Variants in RUNDC3B observed in about 807,000 individuals in gnomAD.
RUNDC3B encodes RUN domain-containing protein 3B.
A neutral mutation model predicts 58.4 loss-of-function variants in RUNDC3B; 33 were observed. The observed-to-expected ratio is 0.56, with a 90% CI of 0.43 to 0.75. The LOEUF (loss-of-function observed/expected upper bound fraction) is 0.75, where lower values mean the gene tolerates loss of function less well. RUNDC3B is among the 30% of genes least tolerant of loss of function. The pLI, the probability that RUNDC3B is intolerant of heterozygous loss-of-function variation, is 0.00. For synonymous variants in RUNDC3B, 193 were observed against 195.2 expected (o/e 0.99, Z 0.10); for missense variants, 501 against 535.7 (o/e 0.94, Z 0.64).
intron 10 of RUNDC3B, 63 bp from the exon 11 acceptor site, chr7:87,829,822 G>T: frequency 4.1e-6 from 5 of 1,205,238 alleles, no homozygotes; most frequent in Non-Finnish European, 4.7e-6. Context: ...AATGGTTTTA[G>T]GATCTTATTT....
intron 2 of RUNDC3B, among the ~76,000 whole-genome samples, chr7:87,656,578 G>A (rs866898608): frequency 6.6e-6 from 1 of 152,042 alleles, no homozygotes. Flanking sequence ...GGAAGATAAA[G>A]GGGGAGGAGG....
intron 4 of RUNDC3B, among the ~76,000 whole-genome samples, chr7:87,722,487 C>G (rs1027120198): frequency 4.6e-5 from 7 of 152,168 alleles, no homozygotes; most frequent in Non-Finnish European, 1.0e-4. Flanking sequence ...CCTTAACCCA[C>G]TTGTGAGTTT....
intron 5 of RUNDC3B, among the ~76,000 whole-genome samples, chr7:87,740,655 C>T (rs894410999): frequency 5.9e-5 from 9 of 152,060 alleles, no homozygotes; most frequent in Non-Finnish European, 8.8e-5. Flanking sequence ...TAATGCTGTT[C>T]GTTTTCACTG....
intron 2 of RUNDC3B, among the ~76,000 whole-genome samples, chr7:87,698,388 C>T (rs563197370): frequency 5.9e-5 from 9 of 152,118 alleles, no homozygotes; most frequent in Admixed American, 1.3e-4. Context: ...GCCACCGCAC[C>T]GGCTGCAAAA....
rs1187803429 is a variant in RUNDC3B, at chr7:87,700,469, A to G, written c.287A>G (p.Tyr96Cys). ...GYESPRSFWD[Y>C]IRVACRKVSQ... ...GAAAGTCCTCGTAGCTTCTGGGACT[A>G]TATCAGAGTGGCTTGCCGGAAAGTT... The change falls in exon 3 of 11, where the codon TAT becomes TGT. Residue 96 changes from tyrosine (Y) to cysteine (C), a missense_variant. Physicochemically the swap from Tyr to Cys is radical, Grantham distance 194. Coordinates refer to ENST00000394654, the MANE Select transcript of RUNDC3B (RefSeq NM_001134405.2). 5.0e-6 allele frequency: 8 copies of G among 1,613,518 alleles called. No individual in the cohort carries two copies. Among genetic ancestry groups the G allele is most frequent in the Non-Finnish European group, 5.9e-6 (7 of 1,179,590 alleles).
intron 4 of RUNDC3B, among the ~76,000 whole-genome samples, chr7:87,738,658 C>T (rs1008624675): frequency 8.6e-5 from 13 of 151,878 alleles, no homozygotes; most frequent in Admixed American, 6.6e-4. Context: ...AATTGGGTAG[C>T]CTTCTTAAGC....
At chr7:87,665,924 T>G (rs1220365239) in intron 2 of RUNDC3B, among the ~76,000 whole-genome samples, 1 of 152,144 alleles carries the variant, frequency 6.6e-6, no homozygotes, top group Non-Finnish European at 1.5e-5. Context: ...TATCACATTT[T>G]CTTTAGTGCT....
At chr7:87,789,936 C>T (rs1192773807) in intron 8 of RUNDC3B, among the ~76,000 whole-genome samples, 1 of 152,132 alleles carries the variant, frequency 6.6e-6, no homozygotes, top group African/African-American at 2.4e-5. Context: ...CTGGACCCAC[C>T]CAGGGCCTGG....
chr7:87,770,890 T>A (rs1332666851), intron 7 of RUNDC3B, 141 bp downstream of exon 7: 1 of 551,114 alleles, frequency 1.8e-6, no homozygotes, highest in Non-Finnish European at 3.0e-6. Context: ...CTCCTCTTAA[T>A]GAAAAATCAG....
At chr7:87,767,731 G>A (rs539874696) in intron 6 of RUNDC3B, among the ~76,000 whole-genome samples, 15 of 152,250 alleles carry the variant, frequency 9.9e-5, no homozygotes, top group South Asian at 2.1e-4. Context: ...AACATATGGC[G>A]GGGGTAGTTC....
intron 4 of RUNDC3B, among the ~76,000 whole-genome samples, chr7:87,727,970 G>A (rs1287830989): frequency 6.6e-6 from 1 of 152,114 alleles, no homozygotes; most frequent in Non-Finnish European, 1.5e-5. Flanking sequence ...ATCATTATGA[G>A]CAAAGGAAAA....
intron 4 of RUNDC3B, among the ~76,000 whole-genome samples, chr7:87,735,888 G>C (rs1342446947): frequency 6.6e-6 from 1 of 152,038 alleles, no homozygotes; most frequent in East Asian, 1.9e-4. Context: ...GCTTCATAGA[G>C]AGGATCTAAA....
chr7:87,716,555 C>A (rs993107778), intron 4 of RUNDC3B, among the ~76,000 whole-genome samples: 3 of 152,120 alleles, frequency 2.0e-5, no homozygotes, highest in African/African-American at 7.2e-5. Flanking sequence ...TTTTATGTTT[C>A]TTTTCTAATT....
intron 6 of RUNDC3B, among the ~76,000 whole-genome samples, chr7:87,757,825 C>T (rs1027240837): frequency 2.0e-5 from 3 of 152,176 alleles, no homozygotes. Flanking sequence ...ACCAATGGAA[C>T]AGAATAGAAA....
chr7:87,758,195 A>C (rs1833477878), intron 6 of RUNDC3B, among the ~76,000 whole-genome samples: 1 of 152,030 alleles, frequency 6.6e-6, no homozygotes, highest in African/African-American at 2.4e-5. Flanking sequence ...GGTGTTGCAC[A>C]CCTGTAGTCC....
chr7:87,780,685 A>G (rs1834876024), intron 8 of RUNDC3B, among the ~76,000 whole-genome samples: 1 of 151,952 alleles, frequency 6.6e-6, no homozygotes. Context: ...CATATGTGAC[A>G]TTATTCTGCA....
chr7:87,730,258 G>A (rs191551860), intron 4 of RUNDC3B, among the ~76,000 whole-genome samples: 26 of 151,988 alleles, frequency 1.7e-4, no homozygotes, highest in East Asian at 3.9e-4. Context: ...CCACAGTGAT[G>A]TAGAGAAACA....
chr7:87,703,279 G>A (rs1829256077), intron 3 of RUNDC3B, among the ~76,000 whole-genome samples: 1 of 147,986 alleles, frequency 6.8e-6, no homozygotes, highest in Admixed American at 6.7e-5. Context: ...GAAAATTTTT[G>A]TTCAGCAAAA....
chr7:87,734,673 T>C (rs1831814103), intron 4 of RUNDC3B, among the ~76,000 whole-genome samples: 1 of 152,180 alleles, frequency 6.6e-6, no homozygotes, highest in Admixed American at 6.5e-5. Flanking sequence ...AGAGTCACTC[T>C]CTTACCCACT....
Sources: gnomAD v4.1 joint callset for allele counts (sites outside exome capture counted in the v4.1 genomes callset) on GRCh38, gnomAD v4.1.1 for gene constraint, MANE v1.5 for transcripts, NCBI Gene and HGNC (gene_info 2026-07-23, HGNC 2026-07-21) for gene names.